PARP8: variants seen among roughly 807,000 people sequenced by gnomAD.
The protein encoded by PARP8 is protein mono-ADP-ribosyltransferase PARP8.
A neutral mutation model predicts 124.1 loss-of-function variants in PARP8; 51 were observed. The observed-to-expected ratio is 0.41, with a 90% CI of 0.33 to 0.52. The LOEUF (loss-of-function observed/expected upper bound fraction) is 0.52. Ranked by LOEUF, PARP8 falls within the 20% of genes least tolerant of loss-of-function variation. The pLI is 0.21. For synonymous variants in PARP8, 391 were observed against 361.5 expected, an observed-to-expected ratio of 1.08 and a Z score of -0.93; for missense variants, 860 against 1,018.9, an observed-to-expected ratio of 0.84 and a Z score of 2.12.
chr5:50,820,075 G>A (rs989031609), intron 15 of PARP8, among the ~76,000 whole-genome samples: 2 of 152,010 alleles, frequency 1.3e-5, no homozygotes, highest in African/African-American at 2.4e-5. Context: ...CTATGTACTC[G>A]GGGCATGTTA....
At chr5:50,836,955 A>G (rs2149726837) in intron 25 of PARP8, among the ~76,000 whole-genome samples, 1 of 152,240 alleles carries the variant, frequency 6.6e-6, no homozygotes, top group Non-Finnish European at 1.5e-5. Flanking sequence ...AATTCAAATT[A>G]ATTGAGCCAA....
At chr5:50,765,450 T>C (rs1760968529) in intron 7 of PARP8, among the ~76,000 whole-genome samples, 1 of 152,222 alleles carries the variant, frequency 6.6e-6, no homozygotes, top group East Asian at 1.9e-4. Context: ...TGATGGTCTG[T>C]ATCAGTATTT....
intron 2 of PARP8, among the ~76,000 whole-genome samples, chr5:50,699,860 C>T (rs1351377786): frequency 2.0e-5 from 3 of 152,016 alleles, no homozygotes; most frequent in Admixed American, 6.6e-5. Context: ...TAAGAGGTCT[C>T]GGTTCAGCTG....
chr5:50,688,670 A>T (rs967234738), intron 2 of PARP8, among the ~76,000 whole-genome samples: 4 of 152,202 alleles, frequency 2.6e-5, no homozygotes, highest in Non-Finnish European at 5.9e-5. Context: ...TTTATATAGG[A>T]AGTAATTATG....
chr5:50,755,011 GC>G (rs1310018841), intron 3 of PARP8, among the ~76,000 whole-genome samples: 6 of 152,024 alleles, frequency 3.9e-5, no homozygotes, highest in African/African-American at 1.5e-4. Flanking sequence ...CATATCCTTC[GC>G]CCACTTTTTG....
chr5:50,746,113 T>C (rs1758516061), intron 2 of PARP8, among the ~76,000 whole-genome samples: 1 of 152,182 alleles, frequency 6.6e-6, no homozygotes, highest in South Asian at 2.1e-4. Flanking sequence ...CTTCAATCTA[T>C]CCTAAATATT....
chr5:50,821,948 C>T lies in PARP8; in HGVS notation c.1795-387C>T, dbSNP rs186113905. On this transcript the variant is annotated intron_variant, in intron 16 of 25. Coordinates refer to ENST00000281631, the MANE Select transcript of PARP8 (RefSeq NM_024615.4). ...CAACCATACTCTTGTTAACAATATT[C>T]AACTCAAAATAAAATAAAAGCGGTT... Among the ~76,000 whole-genome samples the T allele has an allele frequency of 4.5e-3, 688 of 152,218 alleles. 4 individuals carry two copies. Among genetic ancestry groups the T allele is most frequent in the South Asian group, 0.022 (105 of 4,826 alleles).
At chr5:50,730,503 C>T (rs779234168) in intron 2 of PARP8, among the ~76,000 whole-genome samples, 4 of 152,090 alleles carry the variant, frequency 2.6e-5, no homozygotes, top group Admixed American at 1.3e-4. Context: ...ACAGCAGCAT[C>T]GGGTTAACCG....
intron 2 of PARP8, among the ~76,000 whole-genome samples, chr5:50,742,493 T>C (rs1321895659): frequency 6.6e-6 from 1 of 152,038 alleles, no homozygotes; most frequent in Non-Finnish European, 1.5e-5. Flanking sequence ...TTGTAGGTGG[T>C]TGGTGGGAGA....
intron 9 of PARP8, among the ~76,000 whole-genome samples, chr5:50,786,575 C>A (rs1741274371): frequency 6.6e-6 from 1 of 151,266 alleles, no homozygotes; most frequent in African/African-American, 2.4e-5. Context: ...TCTATGTTTC[C>A]AAGACTGGTC....
rs34400961 is a variant in PARP8, at chr5:50,707,627, C to CAGAGAG, written c.146+39534_146+39539dup. ...GAGAGATAGAGATAGATAGGGGAGA[C>CAGAGAG]AGAGAGAGAGAGAGAGAGAGAGAGA... On this transcript the variant is annotated intron_variant, in intron 2 of 25. Transcript: ENST00000281631. Among the ~76,000 whole-genome samples, 478 of 145,314 alleles carry CAGAGAG rather than the reference C, an allele frequency of 3.3e-3. 2 individuals are homozygous for CAGAGAG. Among genetic ancestry groups the CAGAGAG allele is most frequent in the East Asian group, 0.011 (54 of 4,814 alleles).
intron 15 of PARP8, 96 bp from the exon 16 acceptor site, chr5:50,821,115 CTT>C: frequency 1.4e-6 from 2 of 1,410,736 alleles, no homozygotes; most frequent in Non-Finnish European, 2.0e-6. Context: ...CAGTCCTGAT[CTT>C]CCTCATTAAC....
At chr5:50,734,160 G>A (rs1757257600) in intron 2 of PARP8, among the ~76,000 whole-genome samples, 1 of 152,056 alleles carries the variant, frequency 6.6e-6, no homozygotes, top group African/African-American at 2.4e-5. Context: ...CTTTTTTACG[G>A]CGGTTTTATT....
intron 15 of PARP8, among the ~76,000 whole-genome samples, chr5:50,819,442 T>C (rs1267796200): frequency 8.4e-5 from 11 of 131,594 alleles, no homozygotes; most frequent in Admixed American, 8.3e-4. Context: ...TTTTTTTTTT[T>C]TTTTTTTTTT....
Position 50,843,506 on chromosome 5 carries a change from C to G in PARP8, c.*1438C>G, listed in dbSNP as rs954907031. ...AGGGTAGCAGTTTAGGAAGTGTTTT[C>G]TAATAATTTGTTTTGTTATATTGCA... is the stretch of plus-strand genomic sequence containing the variant. On this transcript the variant is annotated 3_prime_UTR_variant, in exon 26 of 26. Coordinates refer to ENST00000281631, the MANE Select transcript of PARP8 (RefSeq NM_024615.4). The G allele has an allele frequency of 5.9e-5, 9 of 151,712 alleles. No individual in the cohort carries two copies. Among genetic ancestry groups the G allele is most frequent in the African/African-American group, 1.7e-4 (7 of 41,362 alleles). 9.4% of individuals were successfully genotyped at this position (151,712 alleles called of 1,614,324 possible). A position where few individuals can be genotyped will look rare whatever the true frequency, so the allele number is the denominator to read the frequency against.
At position 50,844,790 on chromosome 5, in the gene PARP8, A is replaced by G. The variant is rs1748492673; in HGVS notation, c.*2722A>G. 1 of 151,696 alleles carries G rather than the reference A, an allele frequency of 6.6e-6. No homozygotes were observed. The highest frequency in any genetic ancestry group is 1.5e-5 in the Non-Finnish European group (1 of 67,738). The allele number at this position is 151,696 out of a possible 1,614,324, so 9.4% of individuals were successfully genotyped here. On this transcript the variant is annotated 3_prime_UTR_variant, in exon 26 of 26. Coordinates refer to ENST00000281631, the MANE Select transcript of PARP8 (RefSeq NM_024615.4). ...ATTTTGTAAACATTTTACTATGAAT[A>G]ATCTGTTCTCTTTCACTGTATTAAA... is the stretch of plus-strand genomic sequence containing the variant.
At chr5:50,741,671 A>G (rs772375883) in intron 2 of PARP8, among the ~76,000 whole-genome samples, 1 of 152,200 alleles carries the variant, frequency 6.6e-6, no homozygotes, top group Non-Finnish European at 1.5e-5. Flanking sequence ...AATTACCAAA[A>G]TAAGTTTTGA....
At chr5:50,806,164 A>G (rs1213644697) in intron 14 of PARP8, among the ~76,000 whole-genome samples, 1 of 152,016 alleles carries the variant, frequency 6.6e-6, no homozygotes, top group Non-Finnish European at 1.5e-5. Context: ...TCTCTGAGGT[A>G]TATATTATTA....
intron 10 of PARP8, among the ~76,000 whole-genome samples, chr5:50,793,379 G>C (rs911403041): frequency 6.6e-6 from 1 of 152,188 alleles, no homozygotes; most frequent in Non-Finnish European, 1.5e-5. Flanking sequence ...CCACTGCCAT[G>C]TGGAAAATGG....
Sources: gnomAD v4.1 joint callset for allele counts (sites outside exome capture counted in the v4.1 genomes callset) on GRCh38, gnomAD v4.1.1 for gene constraint, MANE v1.5 for transcripts, NCBI Gene and HGNC (gene_info 2026-07-23, HGNC 2026-07-21) for gene names.